MYRIP: variants seen among roughly 807,000 people sequenced by gnomAD.
The protein encoded by MYRIP is rab effector MyRIP.
MYRIP carries 49 observed loss-of-function variants against 98.0 expected under a neutral mutation model. That is an observed-to-expected ratio of 0.50 (90% CI 0.40 to 0.63). The LOEUF (loss-of-function observed/expected upper bound fraction) is 0.63, where lower values mean the gene tolerates loss of function less well. Among genes scored for constraint, MYRIP ranks in the 30% least tolerant of loss-of-function variants. MYRIP has a pLI of 0.00. For missense variants in MYRIP, 1,004 were observed against 1,058.2 expected (o/e 0.95, Z 0.71); for synonymous variants, 404 against 409.5 (o/e 0.99, Z 0.16).
At position 40,258,457 on chromosome 3, in the gene MYRIP, C is replaced by CTGTT. The variant is rs929734054; in HGVS notation, c.*294_*297dup. On this transcript the variant is annotated 3_prime_UTR_variant, in exon 17 of 17. Coordinates refer to ENST00000302541, the MANE Select transcript of MYRIP (RefSeq NM_015460.4). ...TCCATGTTTAAGATACATATTTTCC[C>CTGTT]TGTTTGCTTTGCTACTGTATGTTGA... 6 of 389,066 alleles carry CTGTT rather than the reference C, an allele frequency of 1.5e-5. No homozygotes were observed. The highest frequency in any genetic ancestry group is 2.3e-5 in the Non-Finnish European group (5 of 213,834). The allele number at this position is 389,066 out of a possible 1,614,324, so 24.1% of individuals were successfully genotyped here.
intron 3 of MYRIP, among the ~76,000 whole-genome samples, chr3:40,083,762 T>C (rs914879906): frequency 3.9e-5 from 6 of 152,134 alleles, no homozygotes; most frequent in Non-Finnish European, 7.4e-5. Context: ...TGGCACAATA[T>C]TTTTTAAGTG....
chr3:39,972,084 T>C (rs1009888565), intron 2 of MYRIP, among the ~76,000 whole-genome samples: 1 of 152,112 alleles, frequency 6.6e-6, no homozygotes, highest in African/African-American at 2.4e-5. Context: ...TGTATTTCCA[T>C]GACTATTAGC....
chr3:40,150,240 G>A (rs1336005964), intron 3 of MYRIP, among the ~76,000 whole-genome samples: 3 of 152,072 alleles, frequency 2.0e-5, no homozygotes, highest in African/African-American at 4.8e-5. Flanking sequence ...ACAGGCATGC[G>A]CCACCACACC....
chr3:39,823,465 C>G (rs1420442181), intron 1 of MYRIP, among the ~76,000 whole-genome samples: 1 of 152,194 alleles, frequency 6.6e-6, no homozygotes, highest in Admixed American at 6.5e-5. Flanking sequence ...TTTACACTCC[C>G]ACCAACAGTA....
At chr3:40,225,831 A>T (rs529006571) in intron 11 of MYRIP, among the ~76,000 whole-genome samples, 3 of 152,194 alleles carry the variant, frequency 2.0e-5, no homozygotes, top group South Asian at 4.1e-4. Flanking sequence ...ATGGCCACAT[A>T]TTTATTTTAT....
At chr3:40,163,920 CT>C (rs1950449847) in intron 5 of MYRIP, among the ~76,000 whole-genome samples, 1 of 152,146 alleles carries the variant, frequency 6.6e-6, no homozygotes, top group African/African-American at 2.4e-5. Context: ...CTACCTGCAG[CT>C]TCTCCATAGG....
chr3:40,048,848 ATTAC>A, intron 3 of MYRIP, among the ~76,000 whole-genome samples: 1 of 152,168 alleles, frequency 6.6e-6, no homozygotes, highest in East Asian at 1.9e-4. Flanking sequence ...TGAATGATGA[ATTAC>A]TTATTTTGGA....
intron 4 of MYRIP, among the ~76,000 whole-genome samples, chr3:40,159,701 T>G (rs1293536681): frequency 2.0e-5 from 3 of 152,194 alleles, no homozygotes; most frequent in Non-Finnish European, 4.4e-5. Context: ...TTTCTTTTCA[T>G]TCTTTTTTCT....
intron 3 of MYRIP, among the ~76,000 whole-genome samples, chr3:40,063,066 T>A (rs2125850475): frequency 6.6e-6 from 1 of 152,320 alleles, no homozygotes; most frequent in East Asian, 1.9e-4. Flanking sequence ...AATCCACCTG[T>A]CCAAATTTCA....
chr3:40,062,160 A>G (rs996183984), intron 3 of MYRIP, among the ~76,000 whole-genome samples: 3 of 152,136 alleles, frequency 2.0e-5, no homozygotes, highest in African/African-American at 7.2e-5. Context: ...TTTGTCATGA[A>G]ATGTTTGCCT....
At position 40,258,566 on chromosome 3, in the gene MYRIP, G is replaced by A. The variant is rs1953676085; in HGVS notation, c.*400G>A. ...TCCAAAGGAAAACTGCTGGAGGGAG[G>A]TGGAGGGAGGAAGGTGGGAATTATT... On this transcript the variant is annotated 3_prime_UTR_variant, in exon 17 of 17. Transcript: ENST00000302541. 5.0e-6 allele frequency: 1 copy of A among 200,738 alleles called. No homozygotes were observed. The highest frequency in any genetic ancestry group is 5.2e-5 in the Admixed American group (1 of 19,348). 12.4% of individuals were successfully genotyped at this position (200,738 alleles called of 1,614,324 possible).
chr3:40,003,642 A>G (rs1329801689), intron 2 of MYRIP, among the ~76,000 whole-genome samples: 7 of 152,192 alleles, frequency 4.6e-5, no homozygotes. Flanking sequence ...TAGAGATTCT[A>G]TACTTCTGTG....
chr3:40,187,052 G>A (rs1173408081), intron 9 of MYRIP, among the ~76,000 whole-genome samples: 1 of 152,170 alleles, frequency 6.6e-6, no homozygotes, highest in African/African-American at 2.4e-5. Flanking sequence ...ATACTGAATA[G>A]TGACTATCAG....
intron 2 of MYRIP, among the ~76,000 whole-genome samples, chr3:39,969,117 T>C (rs4549224): frequency 0.72 from 109,439 of 152,024 alleles, 40,864 homozygotes; most frequent in African/African-American, 0.93. Flanking sequence ...TTTGATTTGG[T>C]GCTCAGTTTG....
At chr3:40,094,064 G>A (rs191741648) in intron 3 of MYRIP, among the ~76,000 whole-genome samples, 244 of 151,870 alleles carry the variant, frequency 1.6e-3, no homozygotes, top group African/African-American at 5.5e-3. Context: ...CCCTTCACAT[G>A]TCCCAATTTT....
chr3:40,113,690 T>A (rs1949208064), intron 3 of MYRIP, among the ~76,000 whole-genome samples: 1 of 152,128 alleles, frequency 6.6e-6, no homozygotes, highest in Non-Finnish European at 1.5e-5. Context: ...ACTTTTTTGT[T>A]TGTTTTTTTG....
chr3:39,859,110 GAA>G (rs3062463), intron 1 of MYRIP, among the ~76,000 whole-genome samples: 40,595 of 132,214 alleles, frequency 0.31, 5,535 homozygotes, highest in Middle Eastern at 0.46. Context: ...TTGGTTTTTT[GAA>G]AAAAAAAAAA....
At chr3:39,879,820 G>C (rs149371983) in intron 1 of MYRIP, among the ~76,000 whole-genome samples, 372 of 152,256 alleles carry the variant, frequency 2.4e-3, no homozygotes, top group African/African-American at 7.4e-3. Flanking sequence ...TCTGGGATCA[G>C]ACAAGGATTT....
intron 2 of MYRIP, among the ~76,000 whole-genome samples, chr3:39,989,063 G>A (rs1946106468): frequency 6.6e-6 from 1 of 151,932 alleles, no homozygotes; most frequent in Non-Finnish European, 1.5e-5. Context: ...TTGCTGGAGA[G>A]GCATTGTGAT....
Sources: allele counts gnomAD v4.1 joint callset (sites outside exome capture counted in the v4.1 genomes callset), GRCh38; gene constraint gnomAD v4.1.1; transcripts MANE v1.5; gene names NCBI Gene and HGNC (gene_info 2026-07-23, HGNC 2026-07-21).